ZNF536: variants seen among roughly 807,000 people sequenced by gnomAD.
The protein encoded by ZNF536 is zinc finger protein 536.
In ZNF536, 13 loss-of-function variants were observed where a neutral mutation model predicts 84.5. That is an observed-to-expected ratio of 0.15 (90% CI 0.10 to 0.24). The LOEUF (loss-of-function observed/expected upper bound fraction) is 0.24. Among genes scored for constraint, ZNF536 ranks in the 10% least tolerant of loss-of-function variants. ZNF536 has a pLI of 1.00. For synonymous variants in ZNF536, 811 were observed against 742.5 expected, an observed-to-expected ratio of 1.09 and a Z score of -1.50; for missense variants, 1,536 against 1,747.5, an observed-to-expected ratio of 0.88 and a Z score of 2.16.
At chr19:30,682,135 T>C (rs1245050104) in intron 1 of ZNF536, among the ~76,000 whole-genome samples, 2 of 152,062 alleles carry the variant, frequency 1.3e-5, no homozygotes, top group Admixed American at 6.5e-5. Context: ...AAAAGCTGCA[T>C]CTTCAAATCT....
chr19:30,316,192 A>G (rs1386741724), intron 2 of ZNF536, among the ~76,000 whole-genome samples: 1 of 152,358 alleles, frequency 6.6e-6, no homozygotes, highest in Non-Finnish European at 1.5e-5. Flanking sequence ...AGACGCCACC[A>G]AATTTCCTTC....
intron 1 of ZNF536, among the ~76,000 whole-genome samples, chr19:30,623,719 C>G (rs576455622): frequency 1.3e-4 from 20 of 152,336 alleles, no homozygotes; most frequent in African/African-American, 4.1e-4. Context: ...CCAGCCCCAT[C>G]CTAGAATTCC....
chr19:30,287,813 GTGGA>G (rs2045701505), intron 2 of ZNF536, among the ~76,000 whole-genome samples: 1 of 149,848 alleles, frequency 6.7e-6, no homozygotes, highest in African/African-American at 2.5e-5. Context: ...TGGATGGATG[GTGGA>G]TGGATGGATG....
intron 2 of ZNF536, among the ~76,000 whole-genome samples, chr19:30,290,886 G>A (rs951368069): frequency 6.6e-6 from 1 of 152,114 alleles, no homozygotes; most frequent in Non-Finnish European, 1.5e-5. Flanking sequence ...CCTGCTCCCT[G>A]TGTCCATGTG....
chr19:30,265,783 C>T (rs1159722155), intron 1 of ZNF536, among the ~76,000 whole-genome samples: 4 of 152,210 alleles, frequency 2.6e-5, no homozygotes, highest in Non-Finnish European at 4.4e-5. Context: ...GGTCTGCCCT[C>T]CCAATCAAGT....
chr19:30,608,980 G>A (rs2047995777), intron 1 of ZNF536, among the ~76,000 whole-genome samples: 1 of 152,194 alleles, frequency 6.6e-6, no homozygotes, highest in Admixed American at 6.5e-5. Flanking sequence ...AAGTCCAGGT[G>A]ACAAAAGGGC....
At chr19:30,651,414 G>A (rs964197576) in intron 1 of ZNF536, among the ~76,000 whole-genome samples, 6 of 152,256 alleles carry the variant, frequency 3.9e-5, no homozygotes, top group Non-Finnish European at 7.4e-5. Context: ...CTCTTTCACC[G>A]TGCAGAAAGC....
At chr19:30,385,835 G>C (rs942314941) in intron 1 of ZNF536, among the ~76,000 whole-genome samples, 1 of 152,190 alleles carries the variant, frequency 6.6e-6, no homozygotes, top group African/African-American at 2.4e-5. Context: ...GGTCCCTTCA[G>C]TGATGCTGCT....
At position 30,548,565 on chromosome 19, in the gene ZNF536, A is replaced by G. The variant is rs2041176904; in HGVS notation, c.2946A>G (p.Pro982=). ...QYEPLDLSVR[P]DAASLPGSSV... ...AACCCCTGGACTTGTCTGTGCGGCC[A>G]GATGCCGCCTCCCTCCCGGGCTCCT... Residue 982 remains proline (P), a synonymous_variant, in exon 4 of 5, where the codon CCA becomes CCG. Coordinates refer to ENST00000355537, the MANE Select transcript of ZNF536 (RefSeq NM_014717.3). 1 of 1,614,158 alleles carries G rather than the reference A, an allele frequency of 6.2e-7. No homozygotes were observed. Among genetic ancestry groups the G allele is most frequent in the South Asian group, 1.1e-5 (1 of 91,086 alleles).
chr19:30,584,687 T>G (rs768963223), intron 1 of ZNF536, among the ~76,000 whole-genome samples: 3 of 152,192 alleles, frequency 2.0e-5, no homozygotes, highest in Non-Finnish European at 2.9e-5. Context: ...TCCTCCCTGA[T>G]TCATCATCAT....
chr19:30,608,541 A>G (rs574476200), intron 1 of ZNF536, among the ~76,000 whole-genome samples: 1 of 152,230 alleles, frequency 6.6e-6, no homozygotes, highest in South Asian at 2.1e-4. Flanking sequence ...CCAGCTCTTT[A>G]CCCAGCTGTA....
chr19:30,644,527 C>T (rs938658033), intron 1 of ZNF536, among the ~76,000 whole-genome samples: 1 of 152,132 alleles, frequency 6.6e-6, no homozygotes, highest in African/African-American at 2.4e-5. Context: ...TCCTCCCACC[C>T]CACAACAGGC....
chr19:30,594,818 G>A lies in ZNF536; in HGVS notation c.169+45304G>A, dbSNP rs141458996. ...CAGCCGAGGCCAACGTCTGAGCCAC[G>A]CTGGCACAGAGGAGCAGTGCAGGAG... On this transcript the variant is annotated intron_variant, in intron 1 of 1. Transcript: ENST00000592773. 1.8e-3 allele frequency among the ~76,000 whole-genome samples: 276 copies of A among 152,124 alleles called. 1 individual carries two copies. Among genetic ancestry groups the A allele is most frequent in the African/African-American group, 6.1e-3 (251 of 41,484 alleles).
At chr19:30,287,800 G>A (rs550937501) in intron 2 of ZNF536, among the ~76,000 whole-genome samples, 2 of 151,520 alleles carry the variant, frequency 1.3e-5, no homozygotes, top group Admixed American at 1.3e-4. Context: ...GTGGATGGGA[G>A]GATGGATGGA....
chr19:30,495,144 C>G (rs1394091733), intron 2 of ZNF536, among the ~76,000 whole-genome samples: 1 of 152,150 alleles, frequency 6.6e-6, no homozygotes. Context: ...GTAAACACTA[C>G]CTTTCACATA....
intron 1 of ZNF536, among the ~76,000 whole-genome samples, chr19:30,609,853 T>A (rs2048031411): frequency 6.7e-6 from 1 of 150,254 alleles, no homozygotes; most frequent in Admixed American, 6.6e-5. Context: ...CACCCATCCG[T>A]CCATCCATCC....
intron 1 of ZNF536, among the ~76,000 whole-genome samples, chr19:30,387,650 A>G (rs2049399191): frequency 6.6e-6 from 1 of 152,228 alleles, no homozygotes; most frequent in African/African-American, 2.4e-5. Flanking sequence ...CTCAACAGAA[A>G]GGGACATTTG....
chr19:30,537,695 G>C (rs759440772), intron 3 of ZNF536, among the ~76,000 whole-genome samples: 2 of 152,222 alleles, frequency 1.3e-5, no homozygotes, highest in South Asian at 4.1e-4. Flanking sequence ...GCTCTTCGCA[G>C]TTTTCAAGCT....
intron 1 of ZNF536, among the ~76,000 whole-genome samples, chr19:30,581,751 C>A (rs1220013198): frequency 6.6e-6 from 1 of 152,026 alleles, no homozygotes; most frequent in Non-Finnish European, 1.5e-5. Context: ...GCCTGGCCAA[C>A]ATGGTGAAAC....
Sources: gnomAD v4.1 joint callset for allele counts (sites outside exome capture counted in the v4.1 genomes callset) on GRCh38, gnomAD v4.1.1 for gene constraint, MANE v1.5 for transcripts, NCBI Gene and HGNC (gene_info 2026-07-23, HGNC 2026-07-21) for gene names.